The following RBFOX1 variants were observed in gnomAD, a reference collection of about 807,000 sequenced individuals.
RBFOX1 encodes RNA binding fox-1 homolog 1.
RBFOX1 carries 8 observed loss-of-function variants against 57.7 expected under a neutral mutation model. The observed-to-expected ratio is 0.14, with a 90% CI of 0.08 to 0.25. RBFOX1 has a LOEUF of 0.25. Among genes scored for constraint, RBFOX1 ranks in the 10% least tolerant of loss-of-function variants. The probability of loss-of-function intolerance (pLI) is 1.00; values close to 1 mark genes in which losing one functional copy is unlikely to be tolerated. For missense variants in RBFOX1, 611 were observed against 548.5 expected (o/e 1.11, Z -1.14); for synonymous variants, 326 against 222.4 (o/e 1.47, Z -4.15).
At chr16:5,367,999 GTTC>G (rs1328876775) in intron 1 of RBFOX1, among the ~76,000 whole-genome samples, 1 of 152,208 alleles carries the variant, frequency 6.6e-6, no homozygotes, top group Non-Finnish European at 1.5e-5. Flanking sequence ...TTCCACGGGG[GTTC>G]TTCTTAAGCA....
chr16:7,260,026 A>C (rs1422915624), intron 4 of RBFOX1, among the ~76,000 whole-genome samples: 1 of 152,136 alleles, frequency 6.6e-6, no homozygotes, highest in African/African-American at 2.4e-5. Context: ...GTCTTTTGTC[A>C]TTGTTTATAA....
At chr16:5,316,375 A>C (rs1195286152) in intron 1 of RBFOX1, among the ~76,000 whole-genome samples, 2 of 152,198 alleles carry the variant, frequency 1.3e-5, no homozygotes, top group East Asian at 1.9e-4. Context: ...CTGTGTGTCT[A>C]GTGCCCAGCA....
At position 6,100,157 on chromosome 16, in the gene RBFOX1, T is replaced by TG. The variant is rs1298046651; in HGVS notation, c.-127+80165_-127+80166insG. On this transcript the variant is annotated intron_variant, in intron 1 of 15. Transcript: ENST00000550418. ...GCATTATTGTTTTTTTTGTTGTTGT[T>TG]TTTTTTTGTTGTTGTTGTTTTTTGA... Among the ~76,000 whole-genome samples the TG allele has an allele frequency of 3.3e-5, 5 of 151,890 alleles. No individual in the cohort carries two copies. In the South Asian group the frequency reaches 6.2e-4, roughly 19 times the overall value.
At chr16:6,740,838 CAG>C (rs1361769399) in intron 3 of RBFOX1, among the ~76,000 whole-genome samples, 21 of 152,226 alleles carry the variant, frequency 1.4e-4, no homozygotes, top group African/African-American at 4.8e-4. Flanking sequence ...AAAATATCAG[CAG>C]AGTTTTTAAA....
intron 2 of RBFOX1, among the ~76,000 whole-genome samples, chr16:6,632,950 G>T (rs1483205513): frequency 6.6e-6 from 1 of 152,188 alleles, no homozygotes; most frequent in Non-Finnish European, 1.5e-5. Context: ...GCTTCCTGTT[G>T]TTTGGGTTCT....
exon 3 of RBFOX1, chr16:5,599,869 A>G (rs1369236117): frequency 6.6e-6 from 1 of 152,492 alleles, no homozygotes; most frequent in Admixed American, 6.5e-5. Flanking sequence ...AAATTCTTTT[A>G]TCAAAAGATG....
chr16:6,091,198 C>T (rs1329091328), intron 1 of RBFOX1, among the ~76,000 whole-genome samples: 1 of 152,194 alleles, frequency 6.6e-6, no homozygotes, highest in African/African-American at 2.4e-5. Context: ...GATTTGTCTT[C>T]ATTTCCCACT....
chr16:5,976,079 G>A (rs2060056255), intron 4 of RBFOX1, among the ~76,000 whole-genome samples: 1 of 152,202 alleles, frequency 6.6e-6, no homozygotes, highest in South Asian at 2.1e-4. Flanking sequence ...GGGAGGCGGA[G>A]GTTGCAGTGA....
At chr16:5,676,190 T>C (rs573217683) in intron 3 of RBFOX1, among the ~76,000 whole-genome samples, 1 of 152,014 alleles carries the variant, frequency 6.6e-6, no homozygotes, top group South Asian at 2.1e-4. Context: ...CAAACCACCA[T>C]GGCACATGTA....
At chr16:6,610,354 G>T (rs1033439112) in intron 2 of RBFOX1, among the ~76,000 whole-genome samples, 6 of 152,124 alleles carry the variant, frequency 3.9e-5, no homozygotes, top group Non-Finnish European at 7.4e-5. Context: ...GGAAGACAGA[G>T]TATCCCACTA....
intron 3 of RBFOX1, among the ~76,000 whole-genome samples, chr16:5,704,925 C>G (rs949559417): frequency 4.6e-5 from 7 of 152,118 alleles, no homozygotes; most frequent in African/African-American, 1.4e-4. Flanking sequence ...CCTCCTTCAA[C>G]CAAAAAGTCA....
At chr16:5,479,390 C>A (rs1392240958) in intron 2 of RBFOX1, among the ~76,000 whole-genome samples, 1 of 152,216 alleles carries the variant, frequency 6.6e-6, no homozygotes, top group Non-Finnish European at 1.5e-5. Flanking sequence ...GGTTTGAACC[C>A]TCTCTGATTC....
intron 4 of RBFOX1, among the ~76,000 whole-genome samples, chr16:7,182,426 C>T (rs2082906808): frequency 1.3e-5 from 2 of 152,134 alleles, no homozygotes; most frequent in South Asian, 2.1e-4. Flanking sequence ...ATGTTCTTGG[C>T]TCGAAAGTTC....
At chr16:6,981,849 C>G (rs1187757326) in intron 3 of RBFOX1, among the ~76,000 whole-genome samples, 1 of 152,090 alleles carries the variant, frequency 6.6e-6, no homozygotes, top group African/African-American at 2.4e-5. Context: ...CCATATCATC[C>G]AGTCTACACT....
chr16:6,828,154 G>T (rs1452704826), intron 3 of RBFOX1, among the ~76,000 whole-genome samples: 2 of 152,166 alleles, frequency 1.3e-5, no homozygotes, highest in Non-Finnish European at 2.9e-5. Context: ...TAAGGAGGAA[G>T]GCCAGTGACT....
chr16:6,506,176 A>C (rs1284621019), intron 2 of RBFOX1, among the ~76,000 whole-genome samples: 5 of 152,200 alleles, frequency 3.3e-5, no homozygotes, highest in Non-Finnish European at 5.9e-5. Context: ...AGTCTTCTGG[A>C]CAACAGGAGT....
At chr16:6,827,376 C>G (rs1183919360) in intron 3 of RBFOX1, among the ~76,000 whole-genome samples, 1 of 152,216 alleles carries the variant, frequency 6.6e-6, no homozygotes, top group East Asian at 1.9e-4. Context: ...TGTGCCTTAT[C>G]TGACCCAGCA....
chr16:6,065,957 G>A (rs1293724354), intron 1 of RBFOX1, among the ~76,000 whole-genome samples: 1 of 152,104 alleles, frequency 6.6e-6, no homozygotes. Context: ...TTTGGAAAGT[G>A]CGCTAAGCAT....
chr16:6,272,908 A>G (rs1179089358), intron 1 of RBFOX1, among the ~76,000 whole-genome samples: 2 of 152,200 alleles, frequency 1.3e-5, no homozygotes, highest in Non-Finnish European at 2.9e-5. Flanking sequence ...TTATACAAAA[A>G]AGGCTCAAAA....
Sources: gnomAD v4.1 joint callset for allele counts (sites outside exome capture counted in the v4.1 genomes callset) on GRCh38, gnomAD v4.1.1 for gene constraint, MANE v1.5 for transcripts, NCBI Gene and HGNC (gene_info 2026-07-23, HGNC 2026-07-21) for gene names.